Variants in PTPRK observed in about 807,000 individuals in gnomAD.
PTPRK encodes the protein protein tyrosine phosphatase receptor type K, also known as receptor-type tyrosine-protein phosphatase kappa.
A neutral mutation model predicts 178.0 loss-of-function variants in PTPRK; 75 were observed. The observed-to-expected ratio is 0.42, with a 90% CI of 0.35 to 0.51. The LOEUF (loss-of-function observed/expected upper bound fraction) is 0.51. PTPRK is among the 20% of genes least tolerant of loss of function. PTPRK has a pLI of 0.02. For synonymous variants in PTPRK, 637 were observed against 620.6 expected (o/e 1.03, Z -0.39); for missense variants, 1,441 against 1,797.8 (o/e 0.80, Z 3.59).
chr6:128,029,333 A>C (rs1774879421), intron 13 of PTPRK, among the ~76,000 whole-genome samples: 1 of 151,996 alleles, frequency 6.6e-6, no homozygotes, highest in African/African-American at 2.4e-5. Context: ...CTGCAGAACC[A>C]TGAACCATTT....
At chr6:128,336,556 T>G (rs939652665) in intron 2 of PTPRK, among the ~76,000 whole-genome samples, 2 of 152,156 alleles carry the variant, frequency 1.3e-5, no homozygotes, top group Non-Finnish European at 2.9e-5. Flanking sequence ...AATCTACTAT[T>G]GTGATATACT....
intron 2 of PTPRK, among the ~76,000 whole-genome samples, chr6:128,323,374 A>G (rs1323041038): frequency 2.0e-5 from 3 of 152,148 alleles, no homozygotes; most frequent in East Asian, 1.9e-4. Flanking sequence ...ATGGAACACA[A>G]ATTTTATTGT....
rs1300037774 is a variant in PTPRK at position 127,983,306 on chromosome 6, A to C, written c.3323T>G (p.Val1108Gly). The change falls in exon 23 of 30, where the codon GTT (valine) becomes GGT (glycine). Residue 1108 changes from valine to glycine, a missense_variant. Around this residue, in one of 4 missense-constraint regions of PTPRK, gnomAD observed 335 missense variants for 512.4 expected, o/e 0.65. Transcript: ENST00000368226. ...IMLDMAEREG[V>G]VDIYNCVKAL... ...TTTGACACAATTGTAAATATCAACA[A>C]CACCCTCTCTTTCAGCCATGTCTAG... 6.2e-7 allele frequency: 1 copy of C among 1,613,628 alleles called. No individual in the cohort carries two copies.
At chr6:128,221,535 A>AAAT (rs909031536) in intron 5 of PTPRK, among the ~76,000 whole-genome samples, 11 of 150,052 alleles carry the variant, frequency 7.3e-5, no homozygotes, top group Non-Finnish European at 1.2e-4. Context: ...AAAAAAAAAA[A>AAAT]AATAATAATA....
intron 6 of PTPRK, among the ~76,000 whole-genome samples, chr6:128,210,735 G>C (rs541898963): frequency 6.6e-6 from 1 of 152,214 alleles, no homozygotes; most frequent in African/African-American, 2.4e-5. Context: ...GAAGCTGCTG[G>C]AGGAGGTAGC....
intron 7 of PTPRK, among the ~76,000 whole-genome samples, chr6:128,128,250 T>A (rs1402120718): frequency 6.6e-6 from 1 of 152,210 alleles, no homozygotes; most frequent in East Asian, 1.9e-4. Context: ...ATGTAATACA[T>A]GAGGATCAAA....
At chr6:128,025,569 T>C (rs77009072) in intron 13 of PTPRK, among the ~76,000 whole-genome samples, 2,895 of 152,306 alleles carry the variant, frequency 0.019, 97 homozygotes, top group African/African-American at 0.066. Flanking sequence ...TGCAGAAAAC[T>C]GCCACACACT....
intron 6 of PTPRK, among the ~76,000 whole-genome samples, chr6:128,185,107 T>C (rs1802546553): frequency 6.6e-6 from 1 of 152,186 alleles, no homozygotes; most frequent in Non-Finnish European, 1.5e-5. Context: ...GAGGTATTTT[T>C]CTTTTTGCTT....
chr6:128,410,747 T>C (rs1030617542), intron 1 of PTPRK, among the ~76,000 whole-genome samples: 4 of 152,164 alleles, frequency 2.6e-5, no homozygotes, highest in African/African-American at 9.7e-5. Flanking sequence ...GAAAACTTTA[T>C]AGTACTATAA....
chr6:128,064,071 T>C (rs1205264261), intron 13 of PTPRK, among the ~76,000 whole-genome samples: 2 of 152,196 alleles, frequency 1.3e-5, no homozygotes, highest in Non-Finnish European at 2.9e-5. Context: ...TTATTCTTTG[T>C]TGGCACAATC....
intron 1 of PTPRK, among the ~76,000 whole-genome samples, chr6:128,477,836 G>A (rs6937769): frequency 0.13 from 19,901 of 151,928 alleles, 2,361 homozygotes; most frequent in African/African-American, 0.32. Flanking sequence ...ATTAAAATCC[G>A]TCTTTTTTCA....
intron 1 of PTPRK, among the ~76,000 whole-genome samples, chr6:128,434,848 T>C (rs1172290178): frequency 6.6e-6 from 1 of 151,672 alleles, no homozygotes; most frequent in African/African-American, 2.4e-5. Flanking sequence ...AGCAAGAATC[T>C]GTCTCTACAA....
intron 1 of PTPRK, among the ~76,000 whole-genome samples, chr6:128,503,842 T>TTGTGTGTGTGTGTGTGTGTGTGTG (rs57723685): frequency 4.9e-4 from 68 of 139,964 alleles, no homozygotes; most frequent in African/African-American, 1.8e-3. Context: ...CTGGTTATTA[T>TTGTGTGTGTGTGTGTGTGTGTGTG]TGTGTGTGTG....
intron 1 of PTPRK, among the ~76,000 whole-genome samples, chr6:128,505,206 C>T (rs573033224): frequency 1.3e-5 from 2 of 149,600 alleles, no homozygotes; most frequent in Non-Finnish European, 3.0e-5. Flanking sequence ...CGGGTTCATG[C>T]GATTCTCCTG....
intron 3 of PTPRK, 112 bp downstream of exon 3, chr6:128,321,927 G>A (rs561295277): frequency 2.7e-5 from 37 of 1,394,950 alleles, no homozygotes; most frequent in Non-Finnish European, 3.1e-5. Context: ...GGGTGGGGGA[G>A]GCAAGAGGGC....
At chr6:128,352,287 T>G (rs950051765) in intron 2 of PTPRK, among the ~76,000 whole-genome samples, 1 of 146,186 alleles carries the variant, frequency 6.8e-6, no homozygotes, top group Admixed American at 6.8e-5. Flanking sequence ...ATTCCATTAG[T>G]AAAAATCACA....
chr6:128,170,182 G>A (rs1800028533), intron 7 of PTPRK, among the ~76,000 whole-genome samples: 1 of 151,902 alleles, frequency 6.6e-6, no homozygotes, highest in South Asian at 2.1e-4. Context: ...ACAGACCAAG[G>A]CAGATCCTGA....
intron 2 of PTPRK, among the ~76,000 whole-genome samples, chr6:128,388,784 A>C (rs190447149): frequency 4.9e-4 from 74 of 152,322 alleles, no homozygotes; most frequent in Non-Finnish European, 8.4e-4. Context: ...GAAATGACAT[A>C]TTTTAAATGC....
chr6:128,340,192 C>G (rs1831479223), intron 2 of PTPRK, among the ~76,000 whole-genome samples: 1 of 152,190 alleles, frequency 6.6e-6, no homozygotes, highest in Admixed American at 6.5e-5. Flanking sequence ...AAATAAGTCA[C>G]TTTGTCTAAG....
Sources: allele counts gnomAD v4.1 joint callset (sites outside exome capture counted in the v4.1 genomes callset), GRCh38; gene constraint gnomAD v4.1.1; regional missense constraint gnomAD v4.1.1; transcripts MANE v1.5; gene names NCBI Gene and HGNC (gene_info 2026-07-23, HGNC 2026-07-21).